Variants in CAMKK1 observed in about 807,000 individuals in gnomAD.
The protein encoded by CAMKK1 is calcium/calmodulin-dependent protein kinase kinase 1.
Under a neutral mutation model 63.5 loss-of-function variants are expected in CAMKK1, and 20 were observed. That is an observed-to-expected ratio of 0.32 (90% CI 0.22 to 0.46). The LOEUF (loss-of-function observed/expected upper bound fraction) is 0.46. Among genes scored for constraint, CAMKK1 ranks in the 20% least tolerant of loss-of-function variants. CAMKK1 has a pLI of 1.00. For synonymous variants in CAMKK1, 253 were observed against 269.0 expected, an observed-to-expected ratio of 0.94 and a Z score of 0.58; for missense variants, 588 against 658.1, an observed-to-expected ratio of 0.89 and a Z score of 1.17.
rs1479022546 is a variant in CAMKK1, at chr17:3,889,032, TCTC to T, written c.-43-3305_-43-3303del. 6.6e-6 allele frequency among the ~76,000 whole-genome samples: 1 copy of T among 152,020 alleles called. No homozygotes were observed. The highest frequency in any genetic ancestry group is 1.5e-5 in the Non-Finnish European group (1 of 67,978). The stretch of plus-strand genomic sequence containing the variant: ...GTTTATGCGCCTGTGTGCCTGCAGG[TCTC>T]CGTGTACCTATGCCCAGGGTAGGGG... On this transcript the variant is annotated intron_variant, in intron 1 of 15. Coordinates refer to ENST00000348335, the MANE Select transcript of CAMKK1 (RefSeq NM_032294.3). This position sits in a 1 kb window ranked among gnomAD's most constrained non-coding sequence, Gnocchi z 5.2.
chr17:3,865,955 T>A lies in CAMKK1; in HGVS notation c.1398A>T (p.Gln466His). The change falls in exon 15 of 16, where the codon CAA becomes CAT. Residue 466 changes from glutamine to histidine, a missense_variant. Around this residue, in one of 3 missense-constraint regions of CAMKK1, gnomAD observed 226 missense variants for 229.2 expected, o/e 0.99. Coordinates refer to ENST00000348335, the MANE Select transcript of CAMKK1 (RefSeq NM_032294.3). ...KRSFGNPFEP[Q>H]ARREERSMSA... Reference sequence around the variant, plus strand: ...ACATGGATCGCTCTTCCCTCCGTGCTTGGGGCTCAAACGGGTTCCCAAAGG... The same window carrying A: ...ACATGGATCGCTCTTCCCTCCGTGCATGGGGCTCAAACGGGTTCCCAAAGG... The A allele has an allele frequency of 6.2e-7, 1 of 1,614,210 alleles. No individual in the cohort carries two copies. Among genetic ancestry groups the A allele is most frequent in the Non-Finnish European group, 8.5e-7 (1 of 1,180,028 alleles).
chr17:3,889,290 G>A lies in CAMKK1; in HGVS notation c.-43-3560C>T, dbSNP rs2055796712. On this transcript the variant is annotated intron_variant, in intron 1 of 15. Coordinates refer to ENST00000348335, the MANE Select transcript of CAMKK1 (RefSeq NM_032294.3). The surrounding 1 kb of genome is among the most constrained non-coding windows in gnomAD (Gnocchi z 5.2). ...AGAAACTTAATTCGGTGGATAACTA[G>A]GGCCATGTGGGCAAACAGAAAGATG... Among the ~76,000 whole-genome samples the A allele has an allele frequency of 6.6e-6, 1 of 152,082 alleles. No homozygotes were observed. Among genetic ancestry groups the A allele is most frequent in the Admixed American group, 6.5e-5 (1 of 15,282 alleles).
chr17:3,891,248 C>A (rs1363388304), intron 1 of CAMKK1, among the ~76,000 whole-genome samples: 1 of 152,100 alleles, frequency 6.6e-6, no homozygotes, highest in Non-Finnish European at 1.5e-5. Context: ...CCAAAAAGAC[C>A]AAGTCTCTGC....
At chr17:3,865,084 G>C in intron 15 of CAMKK1, 1 of 964,960 alleles carries the variant, frequency 1.0e-6, no homozygotes, top group Non-Finnish European at 1.2e-6. Flanking sequence ...GCTGTCCCAG[G>C]ACCACGCTGT....
intron 15 of CAMKK1, chr17:3,865,499 C>T (rs2054483977): frequency 9.8e-7 from 1 of 1,020,230 alleles, no homozygotes; most frequent in Non-Finnish European, 1.2e-6. Context: ...CAGCCTCCTA[C>T]AGGAAGCCAA....
At chr17:3,864,143 G>A (rs2054423256) in intron 15 of CAMKK1, among the ~76,000 whole-genome samples, 1 of 150,490 alleles carries the variant, frequency 6.6e-6, no homozygotes, top group South Asian at 2.1e-4. Flanking sequence ...TAGAGATGGG[G>A]TCTTGCTATG....
intron 11 of CAMKK1, 38 bp downstream of exon 11, chr17:3,873,371 G>A: frequency 1.9e-6 from 3 of 1,608,730 alleles, no homozygotes; most frequent in Non-Finnish European, 1.7e-6. Flanking sequence ...CCGCCTCACT[G>A]GACCCGCCCC....
chr17:3,863,879 C>G (rs2054411011), intron 15 of CAMKK1, among the ~76,000 whole-genome samples: 1 of 152,170 alleles, frequency 6.6e-6, no homozygotes, highest in Non-Finnish European at 1.5e-5. Flanking sequence ...CTAGGGGGTG[C>G]TGGACCACAG....
At position 3,861,992 on chromosome 17, in the gene CAMKK1, G is replaced by A; in HGVS notation, c.*219C>T. The A allele has an allele frequency of 3.4e-6, 2 of 582,624 alleles. No individual in the cohort carries two copies. Among genetic ancestry groups the A allele is most frequent in the Non-Finnish European group, 3.1e-6 (1 of 324,684 alleles). 36.1% of individuals were successfully genotyped at this position (582,624 alleles called of 1,614,324 possible). On this transcript the variant is annotated 3_prime_UTR_variant, in exon 16 of 16. Transcript: ENST00000348335. ...AAGGAGGTCCAAGAAGAGGAGGATG[G>A]CCTCGTGGGAGCCCTGCCCCCAAGA...
In CAMKK1 at chr17:3,885,150, G is replaced by C. The variant is rs146490649; in HGVS notation, c.360+178C>G. On this transcript the variant is annotated intron_variant, in intron 2 of 15. Transcript: ENST00000348335. ...CAGGACTTAGGGAAGGCAGCCTTTG[G>C]CTCAGCTGGAGCTCCCCTGGTTGGG... is the stretch of plus-strand genomic sequence containing the variant. Among the ~76,000 whole-genome samples the C allele has an allele frequency of 7.9e-5, 12 of 152,326 alleles. 1 individual carries two copies. Among genetic ancestry groups the C allele is most frequent in the Admixed American group, 4.6e-4 (7 of 15,304 alleles).
In CAMKK1 at chr17:3,884,432, G is replaced by T. The variant is rs3809803; in HGVS notation, c.361-5C>A. 6.8e-4 allele frequency: 1,100 copies of T among 1,613,094 alleles called. 12 individuals are homozygous for T. In the African/African-American group the frequency reaches 0.013, roughly 19 times the overall value. On this transcript the variant is annotated splice_polypyrimidine_tract_variant and splice_region_variant and intron_variant, in intron 2 of 15. Transcript: ENST00000348335. The surrounding 1 kb of genome is among the most constrained non-coding windows in gnomAD (Gnocchi z 4.5). ...CTGGTTCAGCTGCACGCAGTCCTGT[G>T]GGGGAAGAGCGAGCACCAGGTGGAG...
rs2054357229 is a variant in CAMKK1, at chr17:3,862,336, A to G, written c.1446-53T>C. ...GACCTCAGGGTCAGAATATGCACTC[A>G]GGGAGACACTCTCCCTCACACACAC... On this transcript the variant is annotated intron_variant, in intron 15 of 15. Transcript: ENST00000348335. This position sits in a 1 kb window ranked among gnomAD's most constrained non-coding sequence, Gnocchi z 4.1. 7.5e-7 allele frequency: 1 copy of G among 1,341,968 alleles called. No homozygotes were observed. The highest frequency in any genetic ancestry group is 2.0e-5 in the Admixed American group (1 of 50,780). The allele number at this position is 1,341,968 out of a possible 1,614,324, so 83.1% of individuals were successfully genotyped here. A position where few individuals can be genotyped will look rare whatever the true frequency, so the allele number is the denominator to read the frequency against.
chr17:3,882,208 A>G lies in CAMKK1; in HGVS notation c.685+320T>C, dbSNP rs371681984. ...GTTTTATAGGTGGGAAAACTGAGGC[A>G]CAGAGCTACAGTGTCTGGGAACCCA... On this transcript the variant is annotated intron_variant, in intron 7 of 15. Coordinates refer to ENST00000348335, the MANE Select transcript of CAMKK1 (RefSeq NM_032294.3). This position sits in a 1 kb window ranked among gnomAD's most constrained non-coding sequence, Gnocchi z 4.3. 7.5e-7 allele frequency: 1 copy of G among 1,340,460 alleles called. No individual in the cohort carries two copies. The highest frequency in any genetic ancestry group is 1.9e-5 in the Admixed American group (1 of 51,428). 83.0% of individuals were successfully genotyped at this position (1,340,460 alleles called of 1,614,324 possible). A position where few individuals can be genotyped will look rare whatever the true frequency, so the allele number is the denominator to read the frequency against.
intron 1 of CAMKK1, among the ~76,000 whole-genome samples, chr17:3,891,363 C>T (rs1412295782): frequency 6.6e-6 from 1 of 152,052 alleles, no homozygotes; most frequent in African/African-American, 2.4e-5. Flanking sequence ...AAAATACAGC[C>T]GAGTAAGAAG....
In CAMKK1 at chr17:3,883,801, T is replaced by C; in HGVS notation, c.462+83A>G. 3.6e-6 allele frequency: 5 copies of C among 1,399,888 alleles called. No individual in the cohort carries two copies. Among genetic ancestry groups the C allele is most frequent in the Non-Finnish European group, 5.1e-6 (5 of 988,764 alleles). The allele number at this position is 1,399,888 out of a possible 1,614,324, so 86.7% of individuals were successfully genotyped here. A position where few individuals can be genotyped will look rare whatever the true frequency, so the allele number is the denominator to read the frequency against. On this transcript the variant is annotated intron_variant, in intron 4 of 15. Transcript: ENST00000348335. This position sits in a 1 kb window ranked among gnomAD's most constrained non-coding sequence, Gnocchi z 4.7. Reference sequence around the variant, plus strand: ...CACTCTCAGGCAGCCCTGTCCTCTATCTCCTAAGCACAACTCCTGCCCCAC... The same window carrying C: ...CACTCTCAGGCAGCCCTGTCCTCTACCTCCTAAGCACAACTCCTGCCCCAC...
At chr17:3,865,688 A>T in intron 15 of CAMKK1, 1 of 1,405,512 alleles carries the variant, frequency 7.1e-7, no homozygotes, top group South Asian at 1.6e-5. Flanking sequence ...TGTGTGAGGG[A>T]TGCTGGCCCC....
Position 3,882,426 on chromosome 17 carries a change from G to GC in CAMKK1, c.685+101_685+102insG. ...TGTGTTTTTCTTCTGTCCCCAGGAG[G>GC]TCAGTGCATTTACACCGCCCACCTG... On this transcript the variant is annotated intron_variant, in intron 7 of 15. Coordinates refer to ENST00000348335, the MANE Select transcript of CAMKK1 (RefSeq NM_032294.3). This position sits in a 1 kb window ranked among gnomAD's most constrained non-coding sequence, Gnocchi z 4.3. 1 of 1,584,238 alleles carries GC rather than the reference G, an allele frequency of 6.3e-7. No homozygotes were observed. Among genetic ancestry groups the GC allele is most frequent in the Non-Finnish European group, 8.7e-7 (1 of 1,153,052 alleles).
chr17:3,888,823 G>A (rs1399270927), intron 1 of CAMKK1, among the ~76,000 whole-genome samples: 1 of 152,190 alleles, frequency 6.6e-6, no homozygotes, highest in Non-Finnish European at 1.5e-5. Context: ...GTGTCCGGGA[G>A]ACAGGGCCTG....
chr17:3,874,904 G>A (rs1420084397), intron 10 of CAMKK1, among the ~76,000 whole-genome samples: 2 of 151,144 alleles, frequency 1.3e-5, no homozygotes, highest in East Asian at 2.0e-4. Context: ...GGCGGATCAC[G>A]AGGTCAGGAG....
Sources: gnomAD v4.1 joint callset for allele counts (sites outside exome capture counted in the v4.1 genomes callset) on GRCh38, gnomAD v4.1.1 for gene constraint, gnomAD v4.1.1 regional missense constraint, Gnocchi (gnomAD v3.1) non-coding constraint, MANE v1.5 for transcripts, NCBI Gene and HGNC (gene_info 2026-07-23, HGNC 2026-07-21) for gene names.